DNM3: variants seen among roughly 807,000 people sequenced by gnomAD.
DNM3 encodes dynamin-3.
Under a neutral mutation model 101.6 loss-of-function variants are expected in DNM3, and 47 were observed. The ratio of observed to expected loss-of-function variants is 0.46; its 90% confidence interval spans 0.37 to 0.59. The LOEUF (loss-of-function observed/expected upper bound fraction) is 0.59. DNM3 is among the 20% of genes least tolerant of loss of function. The pLI is 0.00. For missense variants in DNM3, 849 were observed against 1,085.7 expected (o/e 0.78, Z 3.06); for synonymous variants, 385 against 387.9 (o/e 0.99, Z 0.09).
intron 16 of DNM3, among the ~76,000 whole-genome samples, chr1:172,315,581 C>G (rs1156310890): frequency 1.3e-5 from 2 of 152,002 alleles, no homozygotes; most frequent in Admixed American, 1.3e-4. Flanking sequence ...TCGAGAACTA[C>G]GTGAAGAATG....
At chr1:172,260,010 G>A (rs1312616945) in intron 15 of DNM3, among the ~76,000 whole-genome samples, 2 of 151,960 alleles carry the variant, frequency 1.3e-5, no homozygotes, top group African/African-American at 4.8e-5. Flanking sequence ...TATAGGGGTG[G>A]TCTAGTGGTG....
At chr1:172,312,366 G>T (rs115029350) in intron 16 of DNM3, among the ~76,000 whole-genome samples, 1 of 152,240 alleles carries the variant, frequency 6.6e-6, no homozygotes, top group East Asian at 1.9e-4. Context: ...TGACTGGAAA[G>T]AAATCTCTAT....
intron 2 of DNM3, among the ~76,000 whole-genome samples, chr1:171,968,480 A>T (rs1389835022): frequency 6.6e-6 from 1 of 152,226 alleles, no homozygotes; most frequent in African/African-American, 2.4e-5. Context: ...GGTTGTTTCA[A>T]GGTTACTTTT....
chr1:171,878,240 C>T (rs950216266), intron 1 of DNM3, among the ~76,000 whole-genome samples: 9 of 152,012 alleles, frequency 5.9e-5, no homozygotes, highest in Admixed American at 1.3e-4. Context: ...TTGAAAAAAA[C>T]CATGTGAGAT....
intron 14 of DNM3, among the ~76,000 whole-genome samples, chr1:172,143,716 TA>T (rs570639968): frequency 3.3e-5 from 5 of 151,910 alleles, no homozygotes; most frequent in African/African-American, 4.8e-5. Context: ...CTCTTTGATT[TA>T]AAAAAAATGT....
intron 14 of DNM3, among the ~76,000 whole-genome samples, chr1:172,189,312 TTGAG>T (rs1272645843): frequency 6.6e-6 from 1 of 152,106 alleles, no homozygotes; most frequent in African/African-American, 2.4e-5. Flanking sequence ...ATTCTTCTTC[TTGAG>T]TATTATGTTG....
chr1:171,918,841 A>G (rs1187740851), intron 1 of DNM3, among the ~76,000 whole-genome samples: 1 of 152,224 alleles, frequency 6.6e-6, no homozygotes, highest in Non-Finnish European at 1.5e-5. Flanking sequence ...TGTTTGATAC[A>G]TTCTATTTTG....
chr1:171,984,409 C>T (rs1031353919), intron 2 of DNM3, among the ~76,000 whole-genome samples: 3 of 152,172 alleles, frequency 2.0e-5, no homozygotes, highest in South Asian at 2.1e-4. Context: ...CCCTCCACAC[C>T]GCCCGGTGCT....
chr1:172,322,698 G>T (rs1342183845), intron 16 of DNM3, among the ~76,000 whole-genome samples: 2 of 152,046 alleles, frequency 1.3e-5, no homozygotes, highest in African/African-American at 4.8e-5. Context: ...TGCTTCCCAT[G>T]CCAACCTAAG....
intron 2 of DNM3, among the ~76,000 whole-genome samples, chr1:171,948,752 T>C (rs1227079398): frequency 6.6e-6 from 1 of 152,090 alleles, no homozygotes; most frequent in South Asian, 2.1e-4. Context: ...ACAACTCCTG[T>C]GGTTAAAACA....
intron 15 of DNM3, 83 bp downstream of exon 15, chr1:172,253,765 C>A: frequency 3.6e-6 from 3 of 841,454 alleles, no homozygotes; most frequent in South Asian, 2.8e-5. Context: ...GAAAATAGTT[C>A]CTTTGGTCAC....
intron 17 of DNM3, among the ~76,000 whole-genome samples, chr1:172,367,888 A>T (rs1387824731): frequency 1.3e-5 from 2 of 151,862 alleles, no homozygotes; most frequent in African/African-American, 4.8e-5. Flanking sequence ...AATGTAATTG[A>T]ATCATGGGGG....
At chr1:171,924,618 A>G (rs1026146313) in intron 2 of DNM3, among the ~76,000 whole-genome samples, 3 of 152,162 alleles carry the variant, frequency 2.0e-5, no homozygotes, top group Admixed American at 6.5e-5. Context: ...TGAGAACAGC[A>G]TGGGGGAAAC....
chr1:172,336,523 A>G (rs1161493687), intron 17 of DNM3, among the ~76,000 whole-genome samples: 1 of 149,594 alleles, frequency 6.7e-6, no homozygotes, highest in Non-Finnish European at 1.5e-5. Context: ...TATAATTTAT[A>G]TATTACATTT....
At chr1:171,919,834 T>C (rs1483365303) in intron 1 of DNM3, among the ~76,000 whole-genome samples, 1 of 152,172 alleles carries the variant, frequency 6.6e-6, no homozygotes, top group African/African-American at 2.4e-5. Context: ...TCTTTAATGG[T>C]TTTCATGACT....
At chr1:172,390,517 C>A (rs2149084917) in intron 20 of DNM3, among the ~76,000 whole-genome samples, 1 of 152,278 alleles carries the variant, frequency 6.6e-6, no homozygotes, top group East Asian at 1.9e-4. Flanking sequence ...TCCCTCCCCT[C>A]TACCCTCTAG....
rs192238393 is a variant in DNM3, at chr1:172,224,842, G to C, written c.1660-28731G>C. Reference sequence around the variant, plus strand: ...ACCAGAGCTGTCTTGGTTAAAGCAGGGTGCGAGCCCAGGATCCAGCCCTCT... The same window carrying C: ...ACCAGAGCTGTCTTGGTTAAAGCAGCGTGCGAGCCCAGGATCCAGCCCTCT... On this transcript the variant is annotated intron_variant, in intron 14 of 20. Coordinates refer to ENST00000627582, the MANE Select transcript of DNM3 (RefSeq NM_015569.5). Among the ~76,000 whole-genome samples the C allele has an allele frequency of 1.5e-3, 233 of 152,256 alleles. 2 individuals carry two copies. Among genetic ancestry groups the C allele is most frequent in the South Asian group, 9.1e-3 (44 of 4,826 alleles).
chr1:172,349,523 A>G (rs2067104005), intron 17 of DNM3, among the ~76,000 whole-genome samples: 1 of 152,184 alleles, frequency 6.6e-6, no homozygotes, highest in Non-Finnish European at 1.5e-5. Flanking sequence ...ACTGATTGTG[A>G]TCTGACATAG....
At chr1:172,405,510 G>C (rs1036232803) in intron 20 of DNM3, among the ~76,000 whole-genome samples, 1 of 151,928 alleles carries the variant, frequency 6.6e-6, no homozygotes, top group African/African-American at 2.4e-5. Context: ...TTTCTCTCTT[G>C]GCTACAAGCC....
Sources: allele counts gnomAD v4.1 joint callset (sites outside exome capture counted in the v4.1 genomes callset), GRCh38; gene constraint gnomAD v4.1.1; transcripts MANE v1.5; gene names NCBI Gene and HGNC (gene_info 2026-07-23, HGNC 2026-07-21).